The following SORBS3 variants were observed in gnomAD, a reference collection of about 807,000 sequenced individuals.
The protein encoded by SORBS3 is sorbin and SH3 domain containing 3.
A neutral mutation model predicts 98.0 loss-of-function variants in SORBS3; 69 were observed. The ratio of observed to expected loss-of-function variants is 0.70; its 90% CI spans 0.58 to 0.86. The LOEUF is 0.86. Ranked by LOEUF, SORBS3 falls within the 40% of genes least tolerant of loss-of-function variation. The pLI, the probability that SORBS3 is intolerant of heterozygous loss-of-function variation, is 0.00. For synonymous variants in SORBS3, 394 were observed against 355.4 expected, an observed-to-expected ratio of 1.11 and a Z score of -1.22; for missense variants, 954 against 908.5, an observed-to-expected ratio of 1.05 and a Z score of -0.64.
intron 5 of SORBS3, chr8:22,561,005 C>G (rs1176041187): frequency 3.3e-6 from 1 of 300,386 alleles, no homozygotes; most frequent in Non-Finnish European, 6.1e-6. Flanking sequence ...GAAGAGGGTG[C>G]AAGTCGAGTT....
At chr8:22,574,617 C>T (rs1840680179) in intron 20 of SORBS3, 50 bp from the exon 21 acceptor site, 1 of 1,588,670 alleles carries the variant, frequency 6.3e-7, no homozygotes. Context: ...CCCCTGCATC[C>T]CTGTTAAAGA....
In SORBS3 at chr8:22,571,061, C is replaced by T; in HGVS notation, c.1583C>T (p.Pro528Leu). ...LRLCDDGPQL[P>L]TSPRLTAAAR... ...CTCTGTGACGACGGCCCCCAGCTCC[C>T]CACGTCTCCCCGCCTGACCGCTGCC... The change falls in exon 18 of 21, where the codon CCC (proline) becomes CTC (leucine). Residue 528 changes from proline (P) to leucine (L), a missense_variant. Coordinates refer to ENST00000240123, the MANE Select transcript of SORBS3 (RefSeq NM_005775.5). 1 of 1,613,052 alleles carries T rather than the reference C, an allele frequency of 6.2e-7. No homozygotes were observed. The highest frequency in any genetic ancestry group is 8.5e-7 in the Non-Finnish European group (1 of 1,179,810).
intron 20 of SORBS3, 101 bp downstream of exon 20, chr8:22,572,547 C>T (rs1307346686): frequency 2.2e-6 from 2 of 929,530 alleles, no homozygotes; most frequent in Non-Finnish European, 3.4e-6. Context: ...CATGGCCGAC[C>T]ACCCCCCGAC....
At chr8:22,569,371 C>T in intron 17 of SORBS3, 98 bp downstream of exon 17, 3 of 1,085,292 alleles carry the variant, frequency 2.8e-6, no homozygotes, top group South Asian at 1.9e-5. Flanking sequence ...GACAGAGTCT[C>T]ACTCTATCGC....
At chr8:22,571,483 C>T (rs1205888249) in intron 18 of SORBS3, among the ~76,000 whole-genome samples, 3 of 152,208 alleles carry the variant, frequency 2.0e-5, no homozygotes, top group Non-Finnish European at 4.4e-5. Context: ...TCCATGCTGG[C>T]GTCCAGAAAC....
At position 22,570,907 on chromosome 8, in the gene SORBS3, C is replaced by T. The variant is rs775904592; in HGVS notation, c.1432-3C>T. 6.3e-6 allele frequency: 10 copies of T among 1,588,456 alleles called. No homozygotes were observed. Among genetic ancestry groups the T allele is most frequent in the Non-Finnish European group, 8.6e-7 (1 of 1,163,916 alleles). Reference sequence around the variant, plus strand: ...CCACAGACACTGACTTTTCCCCCCTCAGGGAGAGCACATCTGCCTGATCCG... The same window carrying T: ...CCACAGACACTGACTTTTCCCCCCTTAGGGAGAGCACATCTGCCTGATCCG... On this transcript the variant is annotated splice_region_variant and splice_polypyrimidine_tract_variant and intron_variant, in intron 17 of 20. Coordinates refer to ENST00000240123, the MANE Select transcript of SORBS3 (RefSeq NM_005775.5).
In SORBS3 at chr8:22,571,189, T is replaced by G; in HGVS notation, c.1711T>G (p.Phe571Val). The G allele has an allele frequency of 1.3e-6, 2 of 1,569,690 alleles. No individual in the cohort carries two copies. Among genetic ancestry groups the G allele is most frequent in the Non-Finnish European group, 1.7e-6 (2 of 1,159,692 alleles). Residue 571 changes from phenylalanine (F) to valine (V), a missense_variant, in exon 18 of 21, where the codon TTC (phenylalanine) becomes GTC (valine). Coordinates refer to ENST00000240123, the MANE Select transcript of SORBS3 (RefSeq NM_005775.5). ...QTSPRRTGFS[F>V]PTQEPRPQTQ... ...CTCCCCCCGTCGCACTGGCTTCTCC[T>G]TCCCCACCCAGGAGCCTAGACCCCA...
intron 6 of SORBS3, 199 bp downstream of exon 6, chr8:22,561,572 A>T (rs1180401387): frequency 1.6e-6 from 1 of 636,592 alleles, no homozygotes; most frequent in Non-Finnish European, 2.8e-6. Flanking sequence ...TTGCACGGGG[A>T]ACGCGCGCTC....
In SORBS3 at chr8:22,561,916, C is replaced by G; in HGVS notation, c.569C>G (p.Ala190Gly). The G allele has an allele frequency of 6.2e-7, 1 of 1,614,036 alleles. No individual in the cohort carries two copies. The highest frequency in any genetic ancestry group is 2.2e-5 in the East Asian group (1 of 44,888). The change falls in exon 7 of 21, where the codon GCA becomes GGA. Residue 190 changes from alanine (A) to glycine (G), a missense_variant. Transcript: ENST00000240123. ...AGACCTGCCCACAGGCCCGGCCCGG[C>G]AACATCTTCCAGTGGGTGAGCACAG... is the stretch of plus-strand genomic sequence containing the variant. ...QQRPAHRPGP[A>G]TSSSGRSWDH... is the part of the protein sequence containing the mutation.
chr8:22,560,876 C>CGT (rs1563822254), intron 5 of SORBS3: 4 of 148,078 alleles, frequency 2.7e-5, no homozygotes, highest in African/African-American at 1.0e-4. Flanking sequence ...TGTGTGTGCG[C>CGT]GCGCGCACGC....
chr8:22,562,444 G>A (rs536603977), intron 7 of SORBS3, among the ~76,000 whole-genome samples: 214 of 152,344 alleles, frequency 1.4e-3, no homozygotes, highest in African/African-American at 5.0e-3. Flanking sequence ...CACAGGCTCC[G>A]CCCGGCTGCT....
Position 22,566,701 on chromosome 8 carries a change from G to A in SORBS3, c.1131G>A (p.Arg377=). Reference sequence around the variant, plus strand: ...ACGGAGGGGGCAGCCCAGCCAGGAGGGAAGAGAAGAAGGTAAGGAGGGGAC... The same window carrying A: ...ACGGAGGGGGCAGCCCAGCCAGGAGAGAAGAGAAGAAGGTAAGGAGGGGAC... ...ASNGGGSPAR[R]EEKKRKAARL... Residue 377 remains arginine, a synonymous_variant, in exon 14 of 21, where the codon AGG becomes AGA. Transcript: ENST00000240123. 2 of 1,612,396 alleles carry A rather than the reference G, an allele frequency of 1.2e-6. No homozygotes were observed. The highest frequency in any genetic ancestry group is 2.2e-5 in the South Asian group (2 of 91,004).
At chr8:22,567,642 T>C (rs1205613803) in intron 16 of SORBS3, among the ~76,000 whole-genome samples, 1 of 152,184 alleles carries the variant, frequency 6.6e-6, no homozygotes, top group Non-Finnish European at 1.5e-5. Flanking sequence ...GAAAAGTTAT[T>C]AAGTAAAAGA....
chr8:22,565,526 A>G, intron 11 of SORBS3, 172 bp downstream of exon 11: 1 of 583,418 alleles, frequency 1.7e-6, no homozygotes. Context: ...TCCTCCATAA[A>G]TAAAATACAG....
intron 16 of SORBS3, 127 bp downstream of exon 16, chr8:22,567,302 G>A: frequency 1.5e-6 from 1 of 667,244 alleles, no homozygotes; most frequent in Non-Finnish European, 2.6e-6. Context: ...TCTCGGAACT[G>A]TCCTTGGCCC....
chr8:22,573,523 A>G, intron 20 of SORBS3: 1 of 427,954 alleles, frequency 2.3e-6, no homozygotes, highest in Admixed American at 2.6e-5. Flanking sequence ...TCAAGTGCCC[A>G]ACAGCCACAG....
At chr8:22,561,716 C>T in intron 6 of SORBS3, 149 bp from the exon 7 acceptor site, 1 of 700,690 alleles carries the variant, frequency 1.4e-6, no homozygotes, top group South Asian at 1.7e-5. Flanking sequence ...CGTTCAGTGT[C>T]CCTGAGCACC....
chr8:22,571,648 C>T (rs763827961), intron 18 of SORBS3, 70 bp from the exon 19 acceptor site: 1 of 1,240,648 alleles, frequency 8.1e-7, no homozygotes, highest in East Asian at 2.3e-5. Flanking sequence ...TTTTGGGCCT[C>T]CTCCCTCAGG....
In SORBS3 at chr8:22,574,525, G is replaced by C. The variant is rs577342214; in HGVS notation, c.1955-142G>C. ...TGCCGCTAGGGGGCAGGAAGGAGGA[G>C]AGCAAATCCAATTCCCTCTCTGGGC... On this transcript the variant is annotated intron_variant, in intron 20 of 20. Transcript: ENST00000240123. 6.1e-5 allele frequency: 47 copies of C among 766,836 alleles called. No homozygotes were observed. In the African/African-American group the frequency reaches 8.2e-4, roughly 13 times the overall value. 47.5% of individuals were successfully genotyped at this position (766,836 alleles called of 1,614,324 possible).
Sources: gnomAD v4.1 joint callset for allele counts (sites outside exome capture counted in the v4.1 genomes callset) on GRCh38, gnomAD v4.1.1 for gene constraint, MANE v1.5 for transcripts, NCBI Gene and HGNC (gene_info 2026-07-23, HGNC 2026-07-21) for gene names.